The following MRPS27 variants were observed in gnomAD, a reference collection of about 807,000 sequenced individuals.
The protein encoded by MRPS27 is small ribosomal subunit protein mS27.
MRPS27 carries 43 observed loss-of-function variants against 48.9 expected under a neutral mutation model. That is an observed-to-expected ratio of 0.88 (90% CI 0.69 to 1.13). The LOEUF is 1.13. Among genes scored for constraint, MRPS27 ranks in the 50% most tolerant of loss-of-function variants. MRPS27 has a pLI of 0.00. For synonymous variants in MRPS27, 188 were observed against 171.9 expected (o/e 1.09, Z -0.73); for missense variants, 467 against 476.3 (o/e 0.98, Z 0.18).
rs537312265 is a variant in MRPS27, at chr5:72,226,147, C to T, written c.747G>A (p.Leu249=). The change falls in exon 9 of 11, where the codon CTG becomes CTA. Residue 249 remains leucine (L), a synonymous_variant. Transcript: ENST00000261413. ...GLRAVYHNMP[L]IWKPGYLDRA... Reference sequence around the variant, plus strand: ...TGTCAAGGTAGCCTGGTTTCCATATCAGAGGCATGTTGTGGTACACAGCCC... The same window carrying T: ...TGTCAAGGTAGCCTGGTTTCCATATTAGAGGCATGTTGTGGTACACAGCCC... 4 of 1,613,858 alleles carry T rather than the reference C, an allele frequency of 2.5e-6. No homozygotes were observed. The Admixed American group carries it at 5.0e-5, about 20-fold the overall frequency.
chr5:72,266,913 CT>C (rs1034883030), intron 4 of MRPS27, among the ~76,000 whole-genome samples: 2 of 152,052 alleles, frequency 1.3e-5, no homozygotes, highest in Non-Finnish European at 2.9e-5. Context: ...GTTCATGAAT[CT>C]TTTCTCACAG....
intron 4 of MRPS27, among the ~76,000 whole-genome samples, chr5:72,279,617 T>TAAC (rs199714561): frequency 6.6e-6 from 1 of 151,546 alleles, no homozygotes; most frequent in Non-Finnish European, 1.5e-5. Context: ...AAGCATTAAA[T>TAAC]AACAACAACA....
At chr5:72,242,805 T>C (rs1326040534) in intron 4 of MRPS27, among the ~76,000 whole-genome samples, 3 of 152,154 alleles carry the variant, frequency 2.0e-5, no homozygotes, top group Non-Finnish European at 4.4e-5. Context: ...GGTTTTGTTA[T>C]TGTTGAACGG....
chr5:72,238,113 G>A lies in MRPS27; in HGVS notation c.297C>T (p.Pro99=), dbSNP rs1748252331. 2 of 1,613,278 alleles carry A rather than the reference G, an allele frequency of 1.2e-6. No homozygotes were observed. The highest frequency in any genetic ancestry group is 8.5e-7 in the Non-Finnish European group (1 of 1,179,504). ...TCCAGTTTCTCAGGTACCAGCAGTT[G>A]GGGCTGTGTCGAAACCTAAATAAGC... is the stretch of plus-strand genomic sequence containing the variant. ...EYYLYKFRHS[P]NCWYLRNWTI... Residue 99 remains proline (P), a synonymous_variant, in exon 5 of 11, where the codon CCC becomes CCT. Coordinates refer to ENST00000261413, the MANE Select transcript of MRPS27 (RefSeq NM_015084.3).
chr5:72,226,289 C>T, intron 8 of MRPS27, 90 bp from the exon 9 acceptor site: 9 of 1,489,904 alleles, frequency 6.0e-6, no homozygotes, highest in Non-Finnish European at 5.6e-6. Context: ...TGAATGTTCA[C>T]CTGGCAGCAC....
chr5:72,308,546 C>T (rs1326151369), intron 2 of MRPS27, among the ~76,000 whole-genome samples: 1 of 152,178 alleles, frequency 6.6e-6, no homozygotes, highest in Non-Finnish European at 1.5e-5. Context: ...CCACTCGCCG[C>T]GTTCCACCCG....
chr5:72,277,281 C>T (rs1749402556), intron 4 of MRPS27, among the ~76,000 whole-genome samples: 1 of 152,104 alleles, frequency 6.6e-6, no homozygotes, highest in African/African-American at 2.4e-5. Context: ...TAAATTAGTT[C>T]AACCATTGTG....
chr5:72,273,660 G>C (rs564928588), intron 4 of MRPS27, among the ~76,000 whole-genome samples: 51 of 152,102 alleles, frequency 3.4e-4, no homozygotes, highest in African/African-American at 1.2e-3. Flanking sequence ...TAAAAATATG[G>C]GATAAAAGAT....
intron 2 of MRPS27, among the ~76,000 whole-genome samples, chr5:72,311,381 G>A (rs1249467730): frequency 6.6e-6 from 1 of 152,226 alleles, no homozygotes; most frequent in Non-Finnish European, 1.5e-5. Flanking sequence ...AACGACAGGT[G>A]AACATGAGTA....
At chr5:72,287,349 A>T (rs1351993283) in intron 4 of MRPS27, among the ~76,000 whole-genome samples, 7 of 152,186 alleles carry the variant, frequency 4.6e-5, no homozygotes, top group Admixed American at 4.6e-4. Flanking sequence ...TACATAAAAA[A>T]TAAAAACAGG....
chr5:72,243,068 C>T (rs1428301267), intron 4 of MRPS27, among the ~76,000 whole-genome samples: 1 of 152,190 alleles, frequency 6.6e-6, no homozygotes, highest in Non-Finnish European at 1.5e-5. Flanking sequence ...CCTGTGGCAA[C>T]AGGCTTTACA....
chr5:72,245,168 C>T (rs1253428921), intron 4 of MRPS27, among the ~76,000 whole-genome samples: 1 of 152,210 alleles, frequency 6.6e-6, no homozygotes, highest in Non-Finnish European at 1.5e-5. Context: ...CTTCTCCAGC[C>T]TCTCTAAAGC....
intron 5 of MRPS27, among the ~76,000 whole-genome samples, chr5:72,236,900 T>C (rs1442014922): frequency 6.6e-6 from 1 of 151,490 alleles, no homozygotes; most frequent in East Asian, 1.9e-4. Flanking sequence ...AAGTTGTTTT[T>C]ACTGTTTTTC....
chr5:72,300,737 A>C (rs552928807), intron 2 of MRPS27, among the ~76,000 whole-genome samples: 4 of 152,332 alleles, frequency 2.6e-5, no homozygotes, highest in South Asian at 2.1e-4. Context: ...AGCCACCAGT[A>C]TCTCTCATCT....
intron 2 of MRPS27, among the ~76,000 whole-genome samples, chr5:72,313,231 A>G (rs1750484697): frequency 6.6e-6 from 1 of 152,216 alleles, no homozygotes; most frequent in South Asian, 2.1e-4. Context: ...GGTAGCCATT[A>G]GAGACAGCAA....
intron 4 of MRPS27, among the ~76,000 whole-genome samples, chr5:72,262,903 T>C (rs1580080237): frequency 6.6e-6 from 1 of 152,276 alleles, no homozygotes; most frequent in African/African-American, 2.4e-5. Flanking sequence ...CCCAAAGTCC[T>C]GTGATTACAG....
chr5:72,231,572 T>G (rs991875965), intron 7 of MRPS27, among the ~76,000 whole-genome samples: 3 of 152,210 alleles, frequency 2.0e-5, no homozygotes, highest in Non-Finnish European at 1.5e-5. Context: ...GTATGGAATT[T>G]GTATGTGTTC....
In MRPS27 at chr5:72,219,480, A is replaced by ATT. The variant is rs1464579828; in HGVS notation, c.*1428_*1429insAA. 6.6e-6 allele frequency: 1 copy of ATT among 152,194 alleles called. No individual in the cohort carries two copies. The highest frequency in any genetic ancestry group is 1.5e-5 in the Non-Finnish European group (1 of 68,040). 9.4% of individuals were successfully genotyped at this position (152,194 alleles called of 1,614,324 possible). On this transcript the variant is annotated 3_prime_UTR_variant, in exon 11 of 11. Transcript: ENST00000261413. ...CCTCAAAATCATAGTAACAATAATG[A>ATT]GTCCCTCTCCCTCCTCCCTTTCCCC...
intron 4 of MRPS27, among the ~76,000 whole-genome samples, chr5:72,275,798 C>T (rs1012281402): frequency 9.9e-5 from 15 of 152,254 alleles, no homozygotes; most frequent in East Asian, 7.7e-4. Flanking sequence ...ACAATTTAAA[C>T]TAATCCCGGT....
Sources: gnomAD v4.1 joint callset for allele counts (sites outside exome capture counted in the v4.1 genomes callset) on GRCh38, gnomAD v4.1.1 for gene constraint, MANE v1.5 for transcripts, NCBI Gene and HGNC (gene_info 2026-07-23, HGNC 2026-07-21) for gene names.